The following ADGRL2 variants were observed in gnomAD, a reference collection of about 807,000 sequenced individuals.
ADGRL2 encodes the protein calcium-independent alpha-latrotoxin receptor 2.
In ADGRL2, 44 loss-of-function variants were observed where a neutral mutation model predicts 157.4. That is an observed-to-expected ratio of 0.28 (90% confidence interval 0.22 to 0.36). The LOEUF (loss-of-function observed/expected upper bound fraction) is 0.36, where lower values mean the gene tolerates loss of function less well. ADGRL2 is among the 10% of genes least tolerant of loss of function. The pLI, the probability that ADGRL2 is intolerant of heterozygous loss-of-function variation, is 1.00. For missense variants in ADGRL2, 1,510 were observed against 1,768.9 expected, an observed-to-expected ratio of 0.85 and a Z score of 2.63; for synonymous variants, 585 against 624.7, an observed-to-expected ratio of 0.94 and a Z score of 0.95.
At chr1:81,339,671 A>G (rs894384155) in intron 1 of ADGRL2, among the ~76,000 whole-genome samples, 1 of 152,112 alleles carries the variant, frequency 6.6e-6, no homozygotes, top group Non-Finnish European at 1.5e-5. Context: ...TAGCCTTTTC[A>G]GTCTCTCAAG....
At position 81,763,558 on chromosome 1, in the gene ADGRL2, C is replaced by A. The variant is rs528337837; in HGVS notation, c.-101+1706C>A. Among the ~76,000 whole-genome samples the A allele has an allele frequency of 3.5e-5, 5 of 141,522 alleles. No individual in the cohort carries two copies. The South Asian group carries it at 1.2e-3, about 35-fold the overall frequency. The allele number at this position is 141,522 out of a possible 152,430, so 92.8% of individuals were successfully genotyped here. ...GAGCCAAGACTGCACCATTGCACTC[C>A]GGTCTCGGTGACAGAGCAAGATTCA... On this transcript the variant is annotated intron_variant, in intron 2 of 20. Coordinates refer to the ADGRL2 transcript ENST00000359929.
At chr1:81,390,231 T>C (rs1191333569) in intron 1 of ADGRL2, among the ~76,000 whole-genome samples, 14 of 152,380 alleles carry the variant, frequency 9.2e-5, no homozygotes, top group African/African-American at 3.1e-4. Flanking sequence ...GCGCAAAGAA[T>C]GGTGCATGTA....
At chr1:81,415,843 C>CTTTT (rs35114762) in intron 1 of ADGRL2, among the ~76,000 whole-genome samples, 37 of 137,874 alleles carry the variant, frequency 2.7e-4, no homozygotes, top group African/African-American at 8.9e-4. Context: ...TCTCCTTTTC[C>CTTTT]TTTTTTTTTT....
intron 1 of ADGRL2, among the ~76,000 whole-genome samples, chr1:81,362,790 T>C (rs1427050109): frequency 6.6e-6 from 1 of 152,038 alleles, no homozygotes; most frequent in Non-Finnish European, 1.5e-5. Context: ...TTTTCCATGT[T>C]ATTAAAATCT....
At chr1:81,380,599 T>C (rs750960753) in intron 1 of ADGRL2, among the ~76,000 whole-genome samples, 1 of 152,168 alleles carries the variant, frequency 6.6e-6, no homozygotes, top group African/African-American at 2.4e-5. Context: ...TAACCATTTA[T>C]CCAATACCAT....
At chr1:81,377,152 G>A (rs1473278696) in intron 1 of ADGRL2, among the ~76,000 whole-genome samples, 1 of 152,136 alleles carries the variant, frequency 6.6e-6, no homozygotes, top group Non-Finnish European at 1.5e-5. Flanking sequence ...TCCAGCCTAT[G>A]TGACAGAGAA....
chr1:81,369,076 T>A (rs888356804), intron 1 of ADGRL2, among the ~76,000 whole-genome samples: 1 of 151,452 alleles, frequency 6.6e-6, no homozygotes, highest in Non-Finnish European at 1.5e-5. Context: ...CACTTTTGAA[T>A]AAAGTGAAAA....
chr1:81,774,568 G>A (rs2086502574), intron 2 of ADGRL2, among the ~76,000 whole-genome samples: 1 of 152,092 alleles, frequency 6.6e-6, no homozygotes, highest in African/African-American at 2.4e-5. Flanking sequence ...TTTTTAATAT[G>A]TTCACAAGTT....
At chr1:81,828,154 G>C (rs949224809) in intron 1 of ADGRL2, among the ~76,000 whole-genome samples, 1 of 152,094 alleles carries the variant, frequency 6.6e-6, no homozygotes, top group Non-Finnish European at 1.5e-5. Flanking sequence ...ATGTCATTTC[G>C]GTATGCATTG....
intron 3 of ADGRL2, among the ~76,000 whole-genome samples, chr1:81,933,003 A>G (rs149382933): frequency 0.016 from 2,510 of 152,242 alleles, 45 homozygotes; most frequent in South Asian, 0.06. Flanking sequence ...TGCCTGGCCA[A>G]TAATTTGTAT....
chr1:81,934,218 T>C (rs781238006), intron 3 of ADGRL2, among the ~76,000 whole-genome samples: 28 of 152,104 alleles, frequency 1.8e-4, no homozygotes, highest in Admixed American at 1.3e-4. Flanking sequence ...TGACATTAAT[T>C]TGAACCTGTA....
At chr1:81,814,607 G>C (rs564982436) in intron 1 of ADGRL2, among the ~76,000 whole-genome samples, 35 of 151,316 alleles carry the variant, frequency 2.3e-4, no homozygotes, top group African/African-American at 8.4e-4. Flanking sequence ...AATTGCTCTT[G>C]TTATTCCCAG....
intron 1 of ADGRL2, among the ~76,000 whole-genome samples, chr1:81,411,859 A>G (rs562647936): frequency 1.3e-4 from 20 of 151,062 alleles, no homozygotes; most frequent in Middle Eastern, 3.4e-3. Flanking sequence ...CAGCCTGGGC[A>G]ACAAAGCGAG....
intron 1 of ADGRL2, among the ~76,000 whole-genome samples, chr1:81,327,091 T>C (rs1038484800): frequency 3.3e-5 from 5 of 152,176 alleles, no homozygotes; most frequent in African/African-American, 1.2e-4. Flanking sequence ...CATACACTTA[T>C]GTCCTAAGAG....
chr1:81,536,986 GA>G (rs1350441753), intron 2 of ADGRL2, among the ~76,000 whole-genome samples: 43 of 152,226 alleles, frequency 2.8e-4, no homozygotes, highest in African/African-American at 9.6e-4. Context: ...TGTGAAGTAA[GA>G]ATAAAATTAT....
intron 1 of ADGRL2, among the ~76,000 whole-genome samples, chr1:81,337,391 T>C (rs1661728283): frequency 6.6e-6 from 1 of 152,178 alleles, no homozygotes; most frequent in South Asian, 2.1e-4. Context: ...CTGCTCCTGC[T>C]GGTGCCCCGA....
intron 2 of ADGRL2, among the ~76,000 whole-genome samples, chr1:81,566,265 C>T (rs2080560033): frequency 6.6e-6 from 1 of 152,070 alleles, no homozygotes; most frequent in African/African-American, 2.4e-5. Context: ...TTTTTGTCCA[C>T]CACATAGTTT....
chr1:81,572,883 T>C (rs1399628000), intron 2 of ADGRL2, among the ~76,000 whole-genome samples: 2 of 151,392 alleles, frequency 1.3e-5, no homozygotes, highest in African/African-American at 4.9e-5. Flanking sequence ...GATAAGGGTA[T>C]GCTTTTTAAA....
intron 2 of ADGRL2, among the ~76,000 whole-genome samples, chr1:81,532,341 C>T (rs2079620300): frequency 6.6e-6 from 1 of 152,108 alleles, no homozygotes; most frequent in African/African-American, 2.4e-5. Flanking sequence ...TTCCAGTTAT[C>T]CTGCTAGGAG....
Sources: gnomAD v4.1 joint callset for allele counts (sites outside exome capture counted in the v4.1 genomes callset) on GRCh38, gnomAD v4.1.1 for gene constraint, MANE v1.5 for transcripts, NCBI Gene and HGNC (gene_info 2026-07-23, HGNC 2026-07-21) for gene names.